IKBKB: variants seen among roughly 807,000 people sequenced by gnomAD.
The protein encoded by IKBKB is inhibitor of nuclear factor kappa-B kinase subunit beta.
IKBKB carries 42 observed loss-of-function variants against 113.6 expected under a neutral mutation model. That is an observed-to-expected ratio of 0.37 (90% CI 0.29 to 0.48). The LOEUF (loss-of-function observed/expected upper bound fraction) is 0.48, where lower values mean the gene tolerates loss of function less well. Ranked by LOEUF, IKBKB falls within the 20% of genes least tolerant of loss-of-function variation. The probability of loss-of-function intolerance (pLI) is 0.99; values close to 1 mark genes in which losing one functional copy is unlikely to be tolerated. For missense variants in IKBKB, 673 were observed against 939.7 expected (o/e 0.72, Z 3.71); for synonymous variants, 296 against 361.3 (o/e 0.82, Z 2.05).
intron 20 of IKBKB, chr8:42,326,452 C>A: frequency 5.1e-6 from 1 of 197,602 alleles, no homozygotes; most frequent in Non-Finnish European, 1.0e-5. Context: ...CCTTGAGTTA[C>A]CGAGTCACCA....
rs543000355 is a variant in IKBKB, at chr8:42,306,643, G to A, written c.567+211G>A. Among the ~76,000 whole-genome samples, 11 of 152,330 alleles carry A rather than the reference G, an allele frequency of 7.2e-5. 1 individual carries two copies. Among genetic ancestry groups the A allele is most frequent in the African/African-American group, 2.2e-4 (9 of 41,566 alleles). On this transcript the variant is annotated intron_variant, in intron 7 of 21. Transcript: ENST00000520810. ...GATGTGGTCGTCTTCTCTGATGTCCGGAGGGCTCTGCTCATGCGCCTTGCA... is the reference window on the plus strand; with the variant it reads ...GATGTGGTCGTCTTCTCTGATGTCCAGAGGGCTCTGCTCATGCGCCTTGCA...
Position 42,330,314 on chromosome 8 carries a change from A to G in IKBKB, c.2206-600A>G, listed in dbSNP as rs1004726405. 27 of 983,436 alleles carry G rather than the reference A, an allele frequency of 2.7e-5. No individual in the cohort carries two copies. The African/African-American group carries it at 3.7e-4, about 13-fold the overall frequency. 60.9% of individuals were successfully genotyped at this position (983,436 alleles called of 1,614,324 possible). A position where few individuals can be genotyped will look rare whatever the true frequency, so the allele number is the denominator to read the frequency against. On this transcript the variant is annotated intron_variant, in intron 21 of 21. Coordinates refer to ENST00000520810, the MANE Select transcript of IKBKB (RefSeq NM_001556.3). The stretch of plus-strand genomic sequence containing the variant: ...AGAGTACCCTGCAGTCACAAGATTT[A>G]TTAATAAAAGGGTTTGGCTTTTTAA...
At chr8:42,292,127 T>C (rs1289463991) in intron 4 of IKBKB, among the ~76,000 whole-genome samples, 8 of 152,086 alleles carry the variant, frequency 5.3e-5, no homozygotes. Flanking sequence ...AGCACTTCGA[T>C]TTTCTCCTTA....
chr8:42,326,813 G>T (rs769019700), intron 20 of IKBKB, among the ~76,000 whole-genome samples: 1 of 152,138 alleles, frequency 6.6e-6, no homozygotes, highest in Non-Finnish European at 1.5e-5. Flanking sequence ...CCCTCCGCCC[G>T]TTCTCCAGCA....
At chr8:42,312,724 CAG>C (rs1262354345) in intron 8 of IKBKB, among the ~76,000 whole-genome samples, 1 of 152,222 alleles carries the variant, frequency 6.6e-6, no homozygotes, top group African/African-American at 2.4e-5. Flanking sequence ...TTAGAGCTGT[CAG>C]AGTTTCAGCC....
chr8:42,303,631 A>AGAATT (rs1815891678), intron 5 of IKBKB, among the ~76,000 whole-genome samples: 1 of 151,680 alleles, frequency 6.6e-6, no homozygotes, highest in Non-Finnish European at 1.5e-5. Flanking sequence ...CAGCCTCCCG[A>AGAATT]GTAGCTGGGA....
chr8:42,321,691 TAA>T, intron 16 of IKBKB: 6 of 482,204 alleles, frequency 1.2e-5, no homozygotes, highest in South Asian at 5.8e-5. Context: ...TCAGCTAATT[TAA>T]AAAAAAAATG....
chr8:42,325,822 C>T (rs1317356775), intron 19 of IKBKB, 148 bp from the exon 20 acceptor site: 1 of 1,486,380 alleles, frequency 6.7e-7, no homozygotes, highest in South Asian at 1.4e-5. Flanking sequence ...CACCAGTTGA[C>T]CCGCAGGTGG....
chr8:42,323,375 A>C (rs1820140949), intron 19 of IKBKB, among the ~76,000 whole-genome samples: 1 of 152,248 alleles, frequency 6.6e-6, no homozygotes, highest in African/African-American at 2.4e-5. Context: ...CACCGTCTTA[A>C]CGTAGCTGTG....
At chr8:42,272,237 G>C (rs201668433) in intron 2 of IKBKB, 32 bp downstream of exon 2, 11 of 1,613,848 alleles carry the variant, frequency 6.8e-6, no homozygotes, top group Non-Finnish European at 9.3e-6. Context: ...GGGAGGGGCG[G>C]GGAGCCAGGC....
chr8:42,329,480 A>C, intron 21 of IKBKB: 1 of 826,712 alleles, frequency 1.2e-6, no homozygotes, highest in Non-Finnish European at 1.5e-6. Context: ...GCGTCACCAC[A>C]TTCAGCTGAT....
chr8:42,317,990 G>C (rs1198267483), intron 12 of IKBKB, among the ~76,000 whole-genome samples: 1 of 152,106 alleles, frequency 6.6e-6, no homozygotes, highest in African/African-American at 2.4e-5. Flanking sequence ...GGACGGGCGT[G>C]GTGGCTCACA....
At chr8:42,320,866 C>CCT (rs779108083) in intron 16 of IKBKB, 22 bp downstream of exon 16, 34 of 1,486,148 alleles carry the variant, frequency 2.3e-5, no homozygotes, top group Non-Finnish European at 3.1e-5. Context: ...CTGGGGGGCC[C>CCT]CTCTGTGCCC....
chr8:42,321,794 A>C, intron 16 of IKBKB, 102 bp from the exon 17 acceptor site: 1 of 789,218 alleles, frequency 1.3e-6, no homozygotes, highest in South Asian at 1.9e-5. Context: ...GAAGTTCGAG[A>C]CCAGCCTGGG....
In IKBKB at chr8:42,325,986, C is replaced by T. The variant is rs141390356; in HGVS notation, c.2003C>T (p.Pro668Leu). Residue 668 changes from proline to leucine, a missense_variant, in exon 20 of 22, where the codon CCT (proline) becomes CTT (leucine). By Grantham distance (98) the Pro-to-Leu change is moderately conservative. This residue lies in a region of IKBKB where 506 missense variants were observed against 638.7 expected (regional missense o/e 0.79). Coordinates refer to ENST00000520810, the MANE Select transcript of IKBKB (RefSeq NM_001556.3). ...LKIACSKVRG[P>L]VSGSPDSMNA... The stretch of plus-strand genomic sequence containing the variant: ...GTCCCCTAGAGCAAGGTCCGTGGTC[C>T]TGTCAGTGGAAGCCCGGATAGCATG... 2 of 1,614,104 alleles carry T rather than the reference C, an allele frequency of 1.2e-6. No homozygotes were observed. Among genetic ancestry groups the T allele is most frequent in the Non-Finnish European group, 1.7e-6 (2 of 1,180,046 alleles).
At chr8:42,330,031 G>A in intron 21 of IKBKB, 1 of 985,406 alleles carries the variant, frequency 1.0e-6, no homozygotes, top group Non-Finnish European at 1.2e-6. Flanking sequence ...CCTCCTCCTG[G>A]CATGATAATG....
chr8:42,315,556 C>G (rs1223485411), intron 9 of IKBKB, among the ~76,000 whole-genome samples: 17 of 152,148 alleles, frequency 1.1e-4, no homozygotes. Flanking sequence ...ATGTGAACCG[C>G]TATATCTGGC....
chr8:42,330,297 C>T (rs1297996783), intron 21 of IKBKB: 1 of 983,944 alleles, frequency 1.0e-6, no homozygotes, highest in Non-Finnish European at 1.2e-6. Context: ...TAAGAGTACC[C>T]TGCAGTCACA....
intron 2 of IKBKB, among the ~76,000 whole-genome samples, chr8:42,279,809 CT>C (rs1264787407): frequency 3.9e-5 from 6 of 152,140 alleles, no homozygotes; most frequent in Non-Finnish European, 7.4e-5. Flanking sequence ...CAGTCTAAAC[CT>C]TTTTGAAGCA....
Sources: gnomAD v4.1 joint callset for allele counts (sites outside exome capture counted in the v4.1 genomes callset) on GRCh38, gnomAD v4.1.1 for gene constraint, gnomAD v4.1.1 regional missense constraint, MANE v1.5 for transcripts, NCBI Gene and HGNC (gene_info 2026-07-23, HGNC 2026-07-21) for gene names.